SPECC1: variants seen among roughly 807,000 people sequenced by gnomAD.
SPECC1 encodes sperm antigen with calponin homology and coiled-coil domains 1.
Under a neutral mutation model 104.1 loss-of-function variants are expected in SPECC1, and 62 were observed. That is an observed-to-expected ratio of 0.60 (90% confidence interval 0.49 to 0.74). SPECC1 has a LOEUF of 0.74. SPECC1 is among the 30% of genes least tolerant of loss of function. The pLI is 0.00. For synonymous variants in SPECC1, 513 were observed against 501.6 expected, an observed-to-expected ratio of 1.02 and a Z score of -0.30; for missense variants, 1,306 against 1,310.5, an observed-to-expected ratio of 1.00 and a Z score of 0.05.
intron 8 of SPECC1, 75 bp from the exon 9 acceptor site, chr17:20,247,144 C>A (rs2151543957): frequency 9.1e-6 from 11 of 1,209,548 alleles, no homozygotes; most frequent in Middle Eastern, 1.9e-4. Context: ...AAAAAAGTAA[C>A]AAGAAATCAG....
chr17:20,089,638 T>A (rs557355009), intron 1 of SPECC1, among the ~76,000 whole-genome samples: 1 of 151,998 alleles, frequency 6.6e-6, no homozygotes, highest in South Asian at 2.1e-4. Flanking sequence ...AAAAAATAAA[T>A]GAGTAAATAA....
intron 13 of SPECC1, among the ~76,000 whole-genome samples, chr17:20,301,543 T>G (rs2041583535): frequency 6.6e-6 from 1 of 152,116 alleles, no homozygotes; most frequent in African/African-American, 2.4e-5. Context: ...GTATAGAAAT[T>G]ATGAGGTGTC....
intron 1 of SPECC1, among the ~76,000 whole-genome samples, chr17:20,066,911 AT>A (rs371289652): frequency 9.0e-3 from 1,082 of 120,098 alleles, no homozygotes; most frequent in African/African-American, 0.024. Flanking sequence ...GGCTAATCAA[AT>A]TTTTTTTTTT....
chr17:20,038,656 T>C (rs1427841866), intron 1 of SPECC1, among the ~76,000 whole-genome samples: 1 of 152,216 alleles, frequency 6.6e-6, no homozygotes, highest in Non-Finnish European at 1.5e-5. Flanking sequence ...AGCCTCGGCC[T>C]CCCAAAGTGC....
At chr17:20,092,651 G>A (rs1328848352) in intron 1 of SPECC1, among the ~76,000 whole-genome samples, 1 of 152,208 alleles carries the variant, frequency 6.6e-6, no homozygotes, top group African/African-American at 2.4e-5. Context: ...TCAGAAGGCA[G>A]AGCAGCGCTC....
At chr17:20,035,578 C>T (rs967493013) in intron 1 of SPECC1, among the ~76,000 whole-genome samples, 9 of 151,904 alleles carry the variant, frequency 5.9e-5, no homozygotes, top group African/African-American at 9.7e-5. Context: ...ATTTTAGTAC[C>T]CATGTGCTTA....
At chr17:20,197,933 T>A (rs1044534930) in intron 3 of SPECC1, among the ~76,000 whole-genome samples, 1 of 152,238 alleles carries the variant, frequency 6.6e-6, no homozygotes, top group African/African-American at 2.4e-5. Context: ...ATACTGATTT[T>A]TCCCCCCATT....
chr17:20,210,656 G>A (rs2037079800), intron 4 of SPECC1, among the ~76,000 whole-genome samples: 1 of 152,198 alleles, frequency 6.6e-6, no homozygotes, highest in Admixed American at 6.5e-5. Context: ...GTGGCTTTTG[G>A]TGGGGGATGG....
chr17:20,065,688 A>G (rs745928839), intron 1 of SPECC1, among the ~76,000 whole-genome samples: 4 of 152,200 alleles, frequency 2.6e-5, no homozygotes, highest in Non-Finnish European at 5.9e-5. Flanking sequence ...CAAAAAGTAC[A>G]TGATCTAAAC....
intron 3 of SPECC1, chr17:20,112,015 G>T: frequency 1.3e-6 from 1 of 773,520 alleles, no homozygotes. Context: ...TTTTGTTTGT[G>T]TGTGAAGGAG....
chr17:20,141,757 G>A (rs1014147237), intron 3 of SPECC1, among the ~76,000 whole-genome samples: 1 of 151,998 alleles, frequency 6.6e-6, no homozygotes, highest in Non-Finnish European at 1.5e-5. Flanking sequence ...TTTTTTATCC[G>A]TATAGCTCCT....
At chr17:20,209,405 A>G (rs1597982078) in intron 4 of SPECC1, among the ~76,000 whole-genome samples, 1 of 152,224 alleles carries the variant, frequency 6.6e-6, no homozygotes, top group African/African-American at 2.4e-5. Context: ...GTAAGTTTCA[A>G]GTTAAGATTA....
intron 1 of SPECC1, among the ~76,000 whole-genome samples, chr17:20,070,293 T>A (rs548616659): frequency 5.9e-5 from 9 of 152,336 alleles, no homozygotes; most frequent in Non-Finnish European, 1.2e-4. Flanking sequence ...TTCCCTTTTA[T>A]GTCTAGTTGT....
At chr17:20,076,989 G>A (rs1180143329) in intron 1 of SPECC1, among the ~76,000 whole-genome samples, 2 of 152,124 alleles carry the variant, frequency 1.3e-5, no homozygotes, top group Non-Finnish European at 2.9e-5. Flanking sequence ...TTTCTCTTTT[G>A]ATCATTTTAT....
chr17:20,018,985 G>A (rs1204335817), intron 1 of SPECC1, among the ~76,000 whole-genome samples: 1 of 152,162 alleles, frequency 6.6e-6, no homozygotes, highest in East Asian at 1.9e-4. Flanking sequence ...GGCACAGTGA[G>A]TCCCTCTTTC....
At chr17:20,010,589 G>C (rs1415422438) in intron 1 of SPECC1, among the ~76,000 whole-genome samples, 3 of 152,224 alleles carry the variant, frequency 2.0e-5, no homozygotes, top group Non-Finnish European at 4.4e-5. Context: ...CTGAAGCTGA[G>C]CCTCCATACT....
intron 3 of SPECC1, among the ~76,000 whole-genome samples, chr17:20,125,543 G>T (rs578107058): frequency 2.4e-4 from 37 of 152,308 alleles, no homozygotes; most frequent in African/African-American, 8.9e-4. Context: ...CGCACTGTCT[G>T]CAGCCCTTGG....
intron 1 of SPECC1, among the ~76,000 whole-genome samples, chr17:20,087,868 G>C (rs1366691547): frequency 2.0e-5 from 3 of 152,140 alleles, no homozygotes; most frequent in Non-Finnish European, 4.4e-5. Context: ...GGTGGGGTGG[G>C]AGAGCTACTC....
In SPECC1 at chr17:20,316,228, AT is replaced by A. The variant is rs200232959; in HGVS notation, c.*2164del. 26,495 of 231,722 alleles carry A rather than the reference AT, an allele frequency of 0.11. 1,564 individuals carry two copies. The highest frequency in any genetic ancestry group is 0.13 in the Non-Finnish European group (14,790 of 117,160). 14.4% of individuals were successfully genotyped at this position (231,722 alleles called of 1,614,324 possible). A position where few individuals can be genotyped will look rare whatever the true frequency, so the allele number is the denominator to read the frequency against. Reference sequence around the variant, plus strand: ...CACCATTAAAGTGGGGGAAAGTAATATCCCAAGTAGTTGAGTTGAGCTGTTG... The same window carrying A: ...CACCATTAAAGTGGGGGAAAGTAATACCCAAGTAGTTGAGTTGAGCTGTTG... On this transcript the variant is annotated 3_prime_UTR_variant, in exon 15 of 15. Transcript: ENST00000395527.
Sources: allele counts gnomAD v4.1 joint callset (sites outside exome capture counted in the v4.1 genomes callset), GRCh38; gene constraint gnomAD v4.1.1; transcripts MANE v1.5; gene names NCBI Gene and HGNC (gene_info 2026-07-23, HGNC 2026-07-21).